Variants in METTL15 observed in about 807,000 individuals in gnomAD.
METTL15 encodes methyltransferase 15, mitochondrial 12S rRNA N4-cytidine, also known as 12S rRNA N(4)-cytidine methyltransferase METTL15.
Under a neutral mutation model 38.3 loss-of-function variants are expected in METTL15, and 34 were observed. The ratio of observed to expected loss-of-function variants is 0.89; its 90% CI spans 0.68 to 1.18. METTL15 has a LOEUF of 1.18. Ranked by LOEUF, METTL15 falls within the 50% of genes most tolerant of loss-of-function variation. METTL15 has a pLI of 0.00. For synonymous variants in METTL15, 162 were observed against 170.9 expected (o/e 0.95, Z 0.41); for missense variants, 438 against 498.4 (o/e 0.88, Z 1.15).
At chr11:28,373,198 T>A (rs1447616589) in intron 5 of METTL15, among the ~76,000 whole-genome samples, 1 of 152,152 alleles carries the variant, frequency 6.6e-6, no homozygotes, top group Non-Finnish European at 1.5e-5. Context: ...ATCGCCACAC[T>A]GACTTCCAAA....
intron 5 of METTL15, among the ~76,000 whole-genome samples, chr11:28,413,756 G>C (rs1025173765): frequency 2.0e-5 from 3 of 152,182 alleles, no homozygotes; most frequent in South Asian, 2.1e-4. Context: ...AAATAGGCTA[G>C]TGACTATCAG....
At chr11:28,454,795 T>A (rs1851154012) in intron 6 of METTL15, among the ~76,000 whole-genome samples, 1 of 152,254 alleles carries the variant, frequency 6.6e-6, no homozygotes, top group Non-Finnish European at 1.5e-5. Context: ...ATGGAAATTA[T>A]CTTGTTGAAT....
intron 6 of METTL15, among the ~76,000 whole-genome samples, chr11:28,452,080 C>A (rs1442916157): frequency 2.6e-5 from 4 of 152,126 alleles, no homozygotes; most frequent in African/African-American, 9.7e-5. Flanking sequence ...TTTGGGGGAC[C>A]CTGGTAGACA....
rs185001051 is a variant in METTL15, at chr11:28,396,117, A to G, written c.*359-28182A>G. 2.0e-3 allele frequency among the ~76,000 whole-genome samples: 304 copies of G among 152,314 alleles called. 4 individuals are homozygous for G. The highest frequency in any genetic ancestry group is 6.5e-3 in the African/African-American group (271 of 41,578). On this transcript the variant is annotated intron_variant and NMD_transcript_variant, in intron 5 of 7. Transcript: ENST00000532947. Reference sequence around the variant, plus strand: ...TATCTCAAAATAATAAGAGCTGTTTATGACAAACCCACAGCCAATACACTG... The same window carrying G: ...TATCTCAAAATAATAAGAGCTGTTTGTGACAAACCCACAGCCAATACACTG...
At chr11:28,305,423 C>T (rs751573611) in intron 6 of METTL15, among the ~76,000 whole-genome samples, 1 of 152,142 alleles carries the variant, frequency 6.6e-6, no homozygotes, top group Non-Finnish European at 1.5e-5. Flanking sequence ...CTTGTATTAA[C>T]TCACTTAATC....
chr11:28,309,800 T>A (rs1857211957), intron 6 of METTL15, among the ~76,000 whole-genome samples: 1 of 152,158 alleles, frequency 6.6e-6, no homozygotes, highest in Admixed American at 6.5e-5. Flanking sequence ...CCTGGGTCAT[T>A]TTTTTCTGTG....
At chr11:28,159,083 G>A (rs1341695173) in intron 3 of METTL15, among the ~76,000 whole-genome samples, 9 of 152,050 alleles carry the variant, frequency 5.9e-5, no homozygotes, top group Non-Finnish European at 8.8e-5. Context: ...CTGGCACAGA[G>A]GTCTTAGTTC....
chr11:28,113,708 A>C, intron 3 of METTL15, 104 bp downstream of exon 3: 1 of 1,238,216 alleles, frequency 8.1e-7, no homozygotes, highest in Non-Finnish European at 1.1e-6. Flanking sequence ...TTTAGTATAC[A>C]GATGAATCCC....
At chr11:28,451,546 C>T (rs1363783769) in intron 6 of METTL15, among the ~76,000 whole-genome samples, 1 of 151,674 alleles carries the variant, frequency 6.6e-6, no homozygotes, top group Admixed American at 6.6e-5. Context: ...GATCACGCCA[C>T]TGCACTCCAC....
At chr11:28,416,396 T>C (rs981527350) in intron 5 of METTL15, among the ~76,000 whole-genome samples, 2 of 152,104 alleles carry the variant, frequency 1.3e-5, no homozygotes, top group Non-Finnish European at 2.9e-5. Context: ...TCAGGGCCAT[T>C]TGGGTAAAGA....
intron 6 of METTL15, among the ~76,000 whole-genome samples, chr11:28,451,454 G>A (rs1376656886): frequency 5.3e-5 from 8 of 151,964 alleles, no homozygotes; most frequent in Non-Finnish European, 8.8e-5. Context: ...GCGTGGTGGC[G>A]GGCACCTGTA....
At chr11:28,370,574 T>C (rs1357810615) in intron 5 of METTL15, among the ~76,000 whole-genome samples, 3 of 152,016 alleles carry the variant, frequency 2.0e-5, no homozygotes, top group Admixed American at 2.0e-4. Flanking sequence ...ATATACCCAA[T>C]AGTAGAATTG....
chr11:28,392,425 A>G (rs2133395071), intron 5 of METTL15, among the ~76,000 whole-genome samples: 1 of 152,216 alleles, frequency 6.6e-6, no homozygotes, highest in Admixed American at 6.6e-5. Context: ...GCCCAGAAAT[A>G]GACCCTTTGG....
At chr11:28,189,489 T>G (rs979978916) in intron 3 of METTL15, among the ~76,000 whole-genome samples, 1 of 151,356 alleles carries the variant, frequency 6.6e-6, no homozygotes, top group African/African-American at 2.4e-5. Context: ...TAATGTAGTT[T>G]TTTTTTATAA....
intron 3 of METTL15, among the ~76,000 whole-genome samples, chr11:28,172,174 T>C (rs561308467): frequency 3.3e-4 from 50 of 152,314 alleles, no homozygotes; most frequent in Non-Finnish European, 6.0e-4. Context: ...TGATTTTTTT[T>C]TCTTTCAAAA....
At chr11:28,361,420 C>A (rs113069188) in intron 4 of METTL15, among the ~76,000 whole-genome samples, 3 of 152,112 alleles carry the variant, frequency 2.0e-5, no homozygotes, top group Non-Finnish European at 2.9e-5. Flanking sequence ...TAGAAAATAT[C>A]GCCAAACTGT....
At chr11:28,125,848 C>T (rs1459984338) in intron 3 of METTL15, 3 of 152,050 alleles carry the variant, frequency 2.0e-5, no homozygotes, top group Admixed American at 2.0e-4. Flanking sequence ...CTTAATTAAA[C>T]TGTTCTTGAT....
intron 5 of METTL15, among the ~76,000 whole-genome samples, chr11:28,382,689 G>A (rs931788187): frequency 2.6e-5 from 4 of 151,972 alleles, no homozygotes; most frequent in African/African-American, 9.7e-5. Context: ...CAAAAACTTA[G>A]CCAGGCATGG....
At chr11:28,161,112 T>C in intron 3 of METTL15, among the ~76,000 whole-genome samples, 1 of 60,226 alleles carries the variant, frequency 1.7e-5, no homozygotes, top group East Asian at 6.4e-4. Flanking sequence ...CCTTCCTTTT[T>C]TTTTTTTTTT....
Sources: gnomAD v4.1 joint callset for allele counts (sites outside exome capture counted in the v4.1 genomes callset) on GRCh38, gnomAD v4.1.1 for gene constraint, MANE v1.5 for transcripts, NCBI Gene and HGNC (gene_info 2026-07-23, HGNC 2026-07-21) for gene names.